FGF14: variants seen among roughly 807,000 people sequenced by gnomAD.
FGF14 encodes fibroblast growth factor 14, also known as fibroblast growth factor homologous factor 4.
FGF14 carries 5 observed loss-of-function variants against 25.5 expected under a neutral mutation model. The observed-to-expected ratio is 0.20, with a 90% confidence interval of 0.10 to 0.41. The LOEUF (loss-of-function observed/expected upper bound fraction) is 0.41. FGF14 is among the 10% of genes least tolerant of loss of function. The pLI is 1.00. For missense variants in FGF14, 222 were observed against 320.1 expected (o/e 0.69, Z 2.34); for synonymous variants, 138 against 118.3 (o/e 1.17, Z -1.08).
intron 1 of FGF14, among the ~76,000 whole-genome samples, chr13:101,883,556 T>C (rs896430596): frequency 6.6e-6 from 1 of 152,110 alleles, no homozygotes; most frequent in Non-Finnish European, 1.5e-5. Flanking sequence ...ATTAAACCAA[T>C]AGCATGATGT....
chr13:102,366,642 AGC>A (rs925126332), intron 1 of FGF14: 1 of 150,334 alleles, frequency 6.7e-6, no homozygotes, highest in African/African-American at 2.5e-5. Flanking sequence ...AAAAAAAAAA[AGC>A]GGTTACTTCT....
At chr13:102,226,278 C>T in intron 1 of FGF14, among the ~76,000 whole-genome samples, 1 of 152,094 alleles carries the variant, frequency 6.6e-6, no homozygotes, top group East Asian at 1.9e-4. Flanking sequence ...CAGTTTCCTC[C>T]ACTGAAAAAT....
chr13:102,289,485 A>C (rs977678706), intron 1 of FGF14, among the ~76,000 whole-genome samples: 3 of 152,220 alleles, frequency 2.0e-5, no homozygotes, highest in African/African-American at 7.2e-5. Flanking sequence ...ATCATAGGCA[A>C]TATGTAAAAG....
intron 1 of FGF14, among the ~76,000 whole-genome samples, chr13:101,935,048 A>G (rs995307880): frequency 6.6e-6 from 1 of 152,342 alleles, no homozygotes. Flanking sequence ...ATACAAAAGG[A>G]GATTGTGGAG....
chr13:102,056,359 G>C (rs1271188935), intron 1 of FGF14, among the ~76,000 whole-genome samples: 1 of 152,176 alleles, frequency 6.6e-6, no homozygotes, highest in Non-Finnish European at 1.5e-5. Context: ...CAAAGCAAAG[G>C]CTACATTTTG....
At position 101,721,031 on chromosome 13, in the gene FGF14, T is replaced by TA. The variant is rs2034939397; in HGVS notation, c.*1799dup. On this transcript the variant is annotated 3_prime_UTR_variant, in exon 5 of 5. Transcript: ENST00000376143. The stretch of plus-strand genomic sequence containing the variant: ...AAGCAGTGACAAAATAATTTCCCAA[T>TA]AAATACAGTGCAGATGGGGAAAATG... The TA allele has an allele frequency of 1.3e-5, 2 of 152,046 alleles. No individual in the cohort carries two copies. Among genetic ancestry groups the TA allele is most frequent in the African/African-American group, 4.8e-5 (2 of 41,416 alleles). 9.4% of individuals were successfully genotyped at this position (152,046 alleles called of 1,614,324 possible).
At chr13:101,744,378 T>G (rs1227798600) in intron 3 of FGF14, among the ~76,000 whole-genome samples, 7 of 152,164 alleles carry the variant, frequency 4.6e-5, no homozygotes, top group Admixed American at 4.6e-4. Context: ...TTCTGGCTTA[T>G]GTAGTTTCCC....
At chr13:102,032,733 C>T (rs1343724796) in intron 1 of FGF14, among the ~76,000 whole-genome samples, 1 of 152,152 alleles carries the variant, frequency 6.6e-6, no homozygotes, top group Non-Finnish European at 1.5e-5. Context: ...TCAGGAACAA[C>T]ACTGACCCTT....
At chr13:101,788,897 TATATATATATATAGAG>T (rs1180599189) in intron 3 of FGF14, among the ~76,000 whole-genome samples, 147 of 49,644 alleles carry the variant, frequency 3.0e-3, no homozygotes, top group Middle Eastern at 0.011. Flanking sequence ...TATATATATA[TATATATATATATAGAG>T]AGAGAGAGAG....
intron 1 of FGF14, among the ~76,000 whole-genome samples, chr13:102,349,075 A>C (rs1566953407): frequency 6.6e-6 from 1 of 152,156 alleles, no homozygotes. Context: ...TAATGATACT[A>C]GCACCTATTG....
chr13:102,031,960 C>T (rs181765952), intron 1 of FGF14, among the ~76,000 whole-genome samples: 1 of 152,100 alleles, frequency 6.6e-6, no homozygotes, highest in South Asian at 2.1e-4. Flanking sequence ...ACTTTTCTAA[C>T]ATTACAAATC....
chr13:102,181,474 G>A (rs1312759804), intron 1 of FGF14, among the ~76,000 whole-genome samples: 1 of 152,158 alleles, frequency 6.6e-6, no homozygotes, highest in African/African-American at 2.4e-5. Flanking sequence ...AAGTTAAGAT[G>A]AGGTCATCAA....
chr13:102,016,200 T>A (rs1323754775), intron 1 of FGF14, among the ~76,000 whole-genome samples: 1 of 152,150 alleles, frequency 6.6e-6, no homozygotes, highest in East Asian at 1.9e-4. Flanking sequence ...ATTCCCATTT[T>A]ACAGTTGAGA....
Position 101,715,125 on chromosome 13 carries a change from A to T in FGF14, c.*7706T>A, listed in dbSNP as rs963410197. 6.0e-6 allele frequency: 1 copy of T among 165,994 alleles called. No homozygotes were observed. The highest frequency in any genetic ancestry group is 2.4e-5 in the African/African-American group (1 of 41,676). 10.3% of individuals were successfully genotyped at this position (165,994 alleles called of 1,614,324 possible). A position where few individuals can be genotyped will look rare whatever the true frequency, so the allele number is the denominator to read the frequency against. On this transcript the variant is annotated 3_prime_UTR_variant, in exon 5 of 5. Coordinates refer to ENST00000376143, the MANE Select transcript of FGF14 (RefSeq NM_004115.4). ...CCTCAGCTCTAGCTGAAGGTAAAAGATGACTCTTTGTGTGTCATTAAGTTA... is the reference window on the plus strand; with the variant it reads ...CCTCAGCTCTAGCTGAAGGTAAAAGTTGACTCTTTGTGTGTCATTAAGTTA...
intron 1 of FGF14, among the ~76,000 whole-genome samples, chr13:102,090,866 T>C (rs760446363): frequency 3.3e-5 from 5 of 152,250 alleles, no homozygotes; most frequent in Non-Finnish European, 5.9e-5. Flanking sequence ...GGCATTGCCA[T>C]TGAGTCGGCT....
chr13:101,778,196 C>A (rs1304773007), intron 3 of FGF14, among the ~76,000 whole-genome samples: 1 of 152,130 alleles, frequency 6.6e-6, no homozygotes, highest in Non-Finnish European at 1.5e-5. Context: ...AACTGTCTGC[C>A]TATACTAGCT....
intron 1 of FGF14, among the ~76,000 whole-genome samples, chr13:102,169,832 CACCCAGTCCAGCAGCCACT>C (rs1195704149): frequency 6.7e-6 from 1 of 150,048 alleles, no homozygotes; most frequent in Non-Finnish European, 1.5e-5. Flanking sequence ...ATAGCTACAC[CACCCAGTCCAGCAGCCACT>C]GGGCACATGT....
chr13:102,275,254 C>CTCTT (rs1234484388), intron 1 of FGF14, among the ~76,000 whole-genome samples: 10 of 90,948 alleles, frequency 1.1e-4, no homozygotes, highest in African/African-American at 4.1e-4. Context: ...CTCTCTCTCT[C>CTCTT]TCTCTCTTTC....
intron 1 of FGF14, among the ~76,000 whole-genome samples, chr13:102,356,419 G>A (rs1464461534): frequency 2.0e-5 from 3 of 152,176 alleles, no homozygotes; most frequent in Non-Finnish European, 4.4e-5. Flanking sequence ...AAAAATATAG[G>A]ATTCAGAAAG....
Sources: gnomAD v4.1 joint callset for allele counts (sites outside exome capture counted in the v4.1 genomes callset) on GRCh38, gnomAD v4.1.1 for gene constraint, MANE v1.5 for transcripts, NCBI Gene and HGNC (gene_info 2026-07-23, HGNC 2026-07-21) for gene names.